C3: variants seen among roughly 807,000 people sequenced by gnomAD.
The protein encoded by C3 is complement C3.
Under a neutral mutation model 207.9 loss-of-function variants are expected in C3, and 97 were observed. The ratio of observed to expected loss-of-function variants is 0.47; its 90% CI spans 0.40 to 0.55. The LOEUF (loss-of-function observed/expected upper bound fraction) is 0.55, where lower values mean the gene tolerates loss of function less well. Among genes scored for constraint, C3 ranks in the 20% least tolerant of loss-of-function variants. The pLI is 0.00. For missense variants in C3, 1,684 were observed against 2,171.7 expected (o/e 0.78, Z 4.46); for synonymous variants, 848 against 857.6 (o/e 0.99, Z 0.20).
chr19:6,716,393 G>C (rs1463739091), intron 4 of C3: 1 of 151,750 alleles, frequency 6.6e-6, no homozygotes, highest in African/African-American at 2.4e-5. Context: ...CTGTTTTTTT[G>C]TTTGTTTTTA....
At chr19:6,704,149 C>G (rs1299460237) in intron 17 of C3, among the ~76,000 whole-genome samples, 1 of 151,954 alleles carries the variant, frequency 6.6e-6, no homozygotes, top group African/African-American at 2.4e-5. Context: ...GGCATGCTGG[C>G]ATGCACCTGT....
In C3 at chr19:6,693,032, G is replaced by A. The variant is rs756009074; in HGVS notation, c.3282C>T (p.Ala1094=). The A allele has an allele frequency of 6.2e-7, 1 of 1,614,206 alleles. No individual in the cohort carries two copies. Among genetic ancestry groups the A allele is most frequent in the Non-Finnish European group, 8.5e-7 (1 of 1,180,038 alleles). ...KVFSLAVNLI[A]IDSQVLCGAV... is the part of the protein sequence containing the mutation. ...CCCCGCAGAGGACTTGGGAGTCGAT[G>A]GCGATGAGGTTGACAGCCAGAGAGA... The change falls in exon 26 of 41, where the codon GCC becomes GCT. Residue 1094 remains alanine, a synonymous_variant. Coordinates refer to ENST00000245907, the MANE Select transcript of C3 (RefSeq NM_000064.4).
At chr19:6,694,334 CAG>C (rs930400489) in intron 24 of C3, 95 bp downstream of exon 24, 4 of 1,084,210 alleles carry the variant, frequency 3.7e-6, no homozygotes, top group East Asian at 2.4e-5. Context: ...GGTGGAGCCT[CAG>C]GGGAGGGCGT....
rs554108894 is a variant in C3, at chr19:6,710,492, G to A, written c.1686+147C>T. The A allele has an allele frequency of 5.1e-4, 331 of 651,124 alleles. 3 individuals carry two copies. Among genetic ancestry groups the A allele is most frequent in the Non-Finnish European group, 6.3e-4 (230 of 365,548 alleles). The allele number at this position is 651,124 out of a possible 1,614,324, so 40.3% of individuals were successfully genotyped here. ...GAGAGACAGTTGAGAGACAGAGAGG[G>A]AGGAGAGAAAGGGAGAGGAAGAGAA... On this transcript the variant is annotated intron_variant, in intron 13 of 40. Transcript: ENST00000245907.
At chr19:6,684,735 A>AG (rs1353459636) in intron 31 of C3, 40 bp downstream of exon 31, 13 of 1,611,452 alleles carry the variant, frequency 8.1e-6, no homozygotes, top group Non-Finnish European at 1.1e-5. Flanking sequence ...TCTGGGGCAG[A>AG]GGGGCATGGG....
At chr19:6,710,591 AGGAGTAGG>A in intron 13 of C3, 40 bp downstream of exon 13, 1 of 1,274,992 alleles carries the variant, frequency 7.8e-7, no homozygotes, top group Non-Finnish European at 1.1e-6. Context: ...AGAGAGAGAG[AGGAGTAGG>A]GAGAGGGAGA....
At chr19:6,684,464 T>A in intron 32 of C3, 25 bp from the exon 33 acceptor site, 1 of 1,603,338 alleles carries the variant, frequency 6.2e-7, no homozygotes. Flanking sequence ...GAGAGAAAGA[T>A]GGGAGAGGGT....
intron 27 of C3, among the ~76,000 whole-genome samples, chr19:6,690,235 C>T (rs965221366): frequency 2.6e-5 from 4 of 152,302 alleles, no homozygotes; most frequent in East Asian, 1.9e-4. Flanking sequence ...GTAGCAAGTA[C>T]GCAACTGTAC....
chr19:6,687,778 C>G (rs1335515124), intron 27 of C3, among the ~76,000 whole-genome samples: 3 of 152,066 alleles, frequency 2.0e-5, no homozygotes, highest in Admixed American at 2.0e-4. Context: ...GTGTTTCTAA[C>G]CTTTGTGTTT....
chr19:6,697,061 T>C lies in C3; in HGVS notation c.2796+283A>G, dbSNP rs906560060. On this transcript the variant is annotated intron_variant, in intron 21 of 40. Transcript: ENST00000245907. ...TGTCTCAAAAAAATAAACAAACAAATAAATAAATAAATAAAAAATTTCAAA... is the reference window on the plus strand; with the variant it reads ...TGTCTCAAAAAAATAAACAAACAAACAAATAAATAAATAAAAAATTTCAAA... 2.1e-4 allele frequency among the ~76,000 whole-genome samples: 16 copies of C among 76,542 alleles called. 5 individuals carry two copies. The highest frequency in any genetic ancestry group is 1.3e-3 in the East Asian group (2 of 1,488). 50.2% of individuals were successfully genotyped at this position (76,542 alleles called of 152,430 possible). A position where few individuals can be genotyped will look rare whatever the true frequency, so the allele number is the denominator to read the frequency against.
chr19:6,683,552 G>C (rs941402120), intron 33 of C3, among the ~76,000 whole-genome samples: 1 of 139,474 alleles, frequency 7.2e-6, no homozygotes, highest in African/African-American at 2.7e-5. Flanking sequence ...CTGGGTTCAC[G>C]CCATTCTTCT....
At chr19:6,717,919 T>TGC in intron 4 of C3, 175 bp downstream of exon 4, 1 of 711,326 alleles carries the variant, frequency 1.4e-6, no homozygotes, top group Non-Finnish European at 2.6e-6. Flanking sequence ...GCTGTGTGTG[T>TGC]GCATGTTGTG....
intron 25 of C3, 92 bp from the exon 26 acceptor site, chr19:6,693,175 C>T (rs1918208525): frequency 6.7e-7 from 1 of 1,491,692 alleles, no homozygotes. Flanking sequence ...GGACCAGGGC[C>T]TGGCCCAGTT....
intron 21 of C3, 57 bp downstream of exon 21, chr19:6,697,287 C>T (rs1484036521): frequency 1.4e-5 from 18 of 1,311,086 alleles, no homozygotes; most frequent in Non-Finnish European, 1.9e-5. Context: ...GTCAATAGTA[C>T]GAAGACCAGG....
At chr19:6,697,168 A>T (rs2145411372) in intron 21 of C3, among the ~76,000 whole-genome samples, 176 bp downstream of exon 21, 1 of 150,192 alleles carries the variant, frequency 6.7e-6, no homozygotes, top group Admixed American at 6.8e-5. Context: ...GGGTCATCTC[A>T]CTCACTTTAC....
At chr19:6,703,726 G>A (rs1967718376) in intron 17 of C3, among the ~76,000 whole-genome samples, 1 of 152,162 alleles carries the variant, frequency 6.6e-6, no homozygotes, top group Admixed American at 6.6e-5. Flanking sequence ...GACTAGGTGA[G>A]CTGAGAACAT....
At chr19:6,711,893 CTG>C (rs1322418707) in intron 11 of C3, among the ~76,000 whole-genome samples, 3 of 152,232 alleles carry the variant, frequency 2.0e-5, no homozygotes, top group East Asian at 1.9e-4. Flanking sequence ...AGTGGAAAGA[CTG>C]TGCGTGGATG....
rs890378494 is a variant in C3 at position 6,719,969 on chromosome 19, C to T, written c.74+547G>A. Among the ~76,000 whole-genome samples the T allele has an allele frequency of 2.7e-4, 41 of 152,180 alleles. No homozygotes were observed. The highest frequency in any genetic ancestry group is 9.2e-4 in the African/African-American group (38 of 41,516). ...CAAATGCCCCAACTATACATGAACCCGAAGTAGCCAATCTTTAAACCCACA... is the reference window on the plus strand; with the variant it reads ...CAAATGCCCCAACTATACATGAACCTGAAGTAGCCAATCTTTAAACCCACA... On this transcript the variant is annotated intron_variant, in intron 1 of 40. Transcript: ENST00000245907. The surrounding 1 kb of genome is among the most constrained non-coding windows in gnomAD (Gnocchi z 5.4).
At chr19:6,707,601 C>A (rs1599519335) in intron 15 of C3, 64 bp from the exon 16 acceptor site, 4 of 1,582,108 alleles carry the variant, frequency 2.5e-6, no homozygotes, top group African/African-American at 1.3e-5. Flanking sequence ...TCGGTTCACC[C>A]CTCACGATCG....
Sources: gnomAD v4.1 joint callset for allele counts (sites outside exome capture counted in the v4.1 genomes callset) on GRCh38, gnomAD v4.1.1 for gene constraint, Gnocchi (gnomAD v3.1) non-coding constraint, MANE v1.5 for transcripts, NCBI Gene and HGNC (gene_info 2026-07-23, HGNC 2026-07-21) for gene names.